Variants in SSBP3 observed in about 807,000 individuals in gnomAD.
The protein encoded by SSBP3 is single-stranded DNA-binding protein 3.
Under a neutral mutation model 69.6 loss-of-function variants are expected in SSBP3, and 5 were observed. The observed-to-expected ratio is 0.07, with a 90% confidence interval of 0.04 to 0.15. The LOEUF (loss-of-function observed/expected upper bound fraction) is 0.15, where lower values mean the gene tolerates loss of function less well. Among genes scored for constraint, SSBP3 ranks in the 10% least tolerant of loss-of-function variants. SSBP3 has a pLI of 1.00. For synonymous variants in SSBP3, 196 were observed against 193.4 expected, an observed-to-expected ratio of 1.01 and a Z score of -0.11; for missense variants, 312 against 534.0, an observed-to-expected ratio of 0.58 and a Z score of 4.10.
chr1:54,406,172 G>C, exon 1 of SSBP3: 1 of 472,978 alleles, frequency 2.1e-6, no homozygotes, highest in African/African-American at 2.2e-5. Flanking sequence ...CTCCCCCCCA[G>C]GCGCTGGCTC....
chr1:54,282,071 T>TAATAATAAA (rs984653416), intron 4 of SSBP3, among the ~76,000 whole-genome samples: 16 of 150,654 alleles, frequency 1.1e-4, no homozygotes, highest in African/African-American at 3.4e-4. Context: ...ATAATAATAA[T>TAATAATAAA]AAAAAAATGG....
intron 4 of SSBP3, among the ~76,000 whole-genome samples, chr1:54,319,678 C>T (rs1181081732): frequency 2.6e-5 from 4 of 151,704 alleles, no homozygotes; most frequent in East Asian, 1.9e-4. Flanking sequence ...TCCAGGCTGG[C>T]GCGAGCCTTC....
intron 9 of SSBP3, among the ~76,000 whole-genome samples, chr1:54,251,292 G>A (rs1048729106): frequency 6.6e-6 from 1 of 152,192 alleles, no homozygotes; most frequent in Non-Finnish European, 1.5e-5. Context: ...TGGGGTTCAG[G>A]AGCTCCCTGC....
upstream of SSBP3, among the ~76,000 whole-genome samples, chr1:54,407,895 C>T (rs562304356): frequency 3.5e-4 from 53 of 151,508 alleles, no homozygotes; most frequent in African/African-American, 1.2e-3. Context: ...AAACTCAGAA[C>T]TAGATTTCAA....
At chr1:54,386,679 C>G (rs1276733749) in intron 4 of SSBP3, among the ~76,000 whole-genome samples, 2 of 69,254 alleles carry the variant, frequency 2.9e-5, no homozygotes, top group South Asian at 3.5e-4. Flanking sequence ...ATAAACTGAT[C>G]CTACTTTTTT....
intron 9 of SSBP3, among the ~76,000 whole-genome samples, chr1:54,250,578 A>T (rs1259670540): frequency 6.6e-6 from 1 of 152,164 alleles, no homozygotes; most frequent in African/African-American, 2.4e-5. Flanking sequence ...GGGACCCAGA[A>T]ACCAGTGCAG....
intron 4 of SSBP3, among the ~76,000 whole-genome samples, chr1:54,328,960 C>T (rs1181920579): frequency 1.3e-5 from 2 of 152,212 alleles, no homozygotes; most frequent in Non-Finnish European, 2.9e-5. Context: ...TCCTCCTCTT[C>T]GTCTCTGGCT....
At chr1:54,340,737 C>T (rs1037807335) in intron 4 of SSBP3, among the ~76,000 whole-genome samples, 2 of 152,264 alleles carry the variant, frequency 1.3e-5, no homozygotes, top group Non-Finnish European at 2.9e-5. Flanking sequence ...ACAGAAACGA[C>T]GTAAAACAAG....
intron 5 of SSBP3, among the ~76,000 whole-genome samples, chr1:54,274,082 G>C (rs568911418): frequency 6.6e-6 from 1 of 152,296 alleles, no homozygotes; most frequent in South Asian, 2.1e-4. Flanking sequence ...CAGCACCTCT[G>C]TCCTCTTCCC....
At chr1:54,402,266 G>A (rs1649361160) in intron 3 of SSBP3, among the ~76,000 whole-genome samples, 2 of 152,212 alleles carry the variant, frequency 1.3e-5, no homozygotes, top group South Asian at 2.1e-4. Flanking sequence ...GGCAACTGAA[G>A]CTCCAAGGGG....
At chr1:54,375,588 C>A (rs986578916) in intron 4 of SSBP3, among the ~76,000 whole-genome samples, 2 of 152,102 alleles carry the variant, frequency 1.3e-5, no homozygotes, top group African/African-American at 4.8e-5. Context: ...AGTTGTGGGC[C>A]CAGGAGACAG....
intron 4 of SSBP3, among the ~76,000 whole-genome samples, chr1:54,397,559 T>C (rs1161541721): frequency 1.3e-5 from 2 of 151,736 alleles, no homozygotes; most frequent in Non-Finnish European, 2.9e-5. Flanking sequence ...CTTGCTGGAG[T>C]GGGAGGACAG....
intron 5 of SSBP3, among the ~76,000 whole-genome samples, chr1:54,262,749 T>C (rs1323504490): frequency 3.9e-5 from 6 of 152,192 alleles, no homozygotes; most frequent in Admixed American, 3.9e-4. Context: ...GGATGAGAAC[T>C]GGGGTCCACT....
chr1:54,405,296 G>A (rs749265480), intron 1 of SSBP3, among the ~76,000 whole-genome samples: 1 of 152,156 alleles, frequency 6.6e-6, no homozygotes, highest in Non-Finnish European at 1.5e-5. Flanking sequence ...GAGGTCCGAG[G>A]AGACTCGGCC....
chr1:54,341,599 AG>A (rs1646607539), intron 4 of SSBP3, among the ~76,000 whole-genome samples: 2 of 152,218 alleles, frequency 1.3e-5, no homozygotes, highest in Admixed American at 1.3e-4. Context: ...TAAAGAGGAT[AG>A]CCCAGTCCTT....
chr1:54,232,624 G>A (rs1050501025), intron 14 of SSBP3, among the ~76,000 whole-genome samples: 1 of 151,980 alleles, frequency 6.6e-6, no homozygotes, highest in Non-Finnish European at 1.5e-5. Flanking sequence ...CTCTTTCCAC[G>A]GTCTCCCTCT....
At chr1:54,299,109 T>C (rs1013038081) in intron 4 of SSBP3, among the ~76,000 whole-genome samples, 2 of 152,040 alleles carry the variant, frequency 1.3e-5, no homozygotes, top group Non-Finnish European at 2.9e-5. Flanking sequence ...GAAGACAATA[T>C]TTTAGAAGAG....
At position 54,404,190 on chromosome 1, in the gene SSBP3, GC is replaced by G. The variant is rs367803843; in HGVS notation, c.191+385del. ...CCCGAGGAGAAAAAGGAAGGGACAG[GC>G]TAGTTGTAAAACAGACCTGGTATCC... On this transcript the variant is annotated intron_variant, in intron 3 of 17. Transcript: ENST00000610401. Among the ~76,000 whole-genome samples, 41 of 152,230 alleles carry G rather than the reference GC, an allele frequency of 2.7e-4. No individual in the cohort carries two copies. The East Asian group carries it at 7.7e-3, about 29-fold the overall frequency.
intron 4 of SSBP3, among the ~76,000 whole-genome samples, chr1:54,340,834 C>T (rs551916984): frequency 1.3e-5 from 2 of 152,346 alleles, no homozygotes; most frequent in East Asian, 3.9e-4. Context: ...GTAGGTACAG[C>T]CCCACTGGCT....
Sources: allele counts gnomAD v4.1 joint callset (sites outside exome capture counted in the v4.1 genomes callset), GRCh38; gene constraint gnomAD v4.1.1; transcripts MANE v1.5; gene names NCBI Gene and HGNC (gene_info 2026-07-23, HGNC 2026-07-21).